The following KAT2B variants were observed in gnomAD, a reference collection of about 807,000 sequenced individuals.
KAT2B encodes the protein lysine acetyltransferase 2B.
Under a neutral mutation model 105.9 loss-of-function variants are expected in KAT2B, and 36 were observed. The ratio of observed to expected loss-of-function variants is 0.34; its 90% confidence interval spans 0.26 to 0.45. KAT2B has a LOEUF of 0.45. KAT2B is among the 20% of genes least tolerant of loss of function. KAT2B has a pLI of 1.00. For missense variants in KAT2B, 820 were observed against 1,021.6 expected, an observed-to-expected ratio of 0.80 and a Z score of 2.69; for synonymous variants, 397 against 377.9, an observed-to-expected ratio of 1.05 and a Z score of -0.59.
intron 11 of KAT2B, among the ~76,000 whole-genome samples, chr3:20,128,544 C>T (rs1021670159): frequency 2.0e-5 from 3 of 151,928 alleles, no homozygotes; most frequent in Non-Finnish European, 4.4e-5. Flanking sequence ...TGGCTTAGGT[C>T]CCTTCCTTTC....
chr3:20,108,086 A>G (rs1482131136), intron 5 of KAT2B, among the ~76,000 whole-genome samples: 1 of 152,066 alleles, frequency 6.6e-6, no homozygotes, highest in African/African-American at 2.4e-5. Context: ...CTGGGATTAC[A>G]GGTGTGAGCC....
At chr3:20,119,805 G>C in intron 8 of KAT2B, 82 bp downstream of exon 8, 1 of 1,467,648 alleles carries the variant, frequency 6.8e-7, no homozygotes, top group Non-Finnish European at 9.4e-7. Context: ...AGGTAGACTT[G>C]AACCAAGTAC....
intron 2 of KAT2B, 123 bp from the exon 3 acceptor site, chr3:20,095,140 T>G (rs1156924908): frequency 2.8e-6 from 2 of 720,198 alleles, no homozygotes; most frequent in Non-Finnish European, 4.5e-6. Context: ...AAATTTTCTC[T>G]TATTACCAGT....
intron 11 of KAT2B, 130 bp downstream of exon 11, chr3:20,127,679 G>T: frequency 1.2e-6 from 1 of 842,564 alleles, no homozygotes. Context: ...GACTTTCTGG[G>T]AATAGTCCTC....
chr3:20,130,875 G>A lies in KAT2B; in HGVS notation c.1749+3326G>A, dbSNP rs557633986. ...GTTTAGTGTGTGTGTGTGTGTGCGT[G>A]CATGTGTGTGTTTTTTAATGGTAAG... On this transcript the variant is annotated intron_variant, in intron 11 of 17. Transcript: ENST00000263754. Among the ~76,000 whole-genome samples, 7 of 151,690 alleles carry A rather than the reference G, an allele frequency of 4.6e-5. No individual in the cohort carries two copies. In the South Asian group the frequency reaches 1.5e-3, roughly 32 times the overall value.
chr3:20,148,017 G>C lies in KAT2B; in HGVS notation c.2156+18G>C. The C allele has an allele frequency of 6.2e-7, 1 of 1,612,180 alleles. No homozygotes were observed. Among genetic ancestry groups the C allele is most frequent in the Non-Finnish European group, 8.5e-7 (1 of 1,178,708 alleles). On this transcript the variant is annotated intron_variant, in intron 15 of 17. Transcript: ENST00000263754. ...GAGAAAAGGTAAGTATGACGGGCAA[G>C]AGGATGTTAATGGAAGTGATTTTTT...
chr3:20,139,080 G>A (rs1005928130), intron 12 of KAT2B, among the ~76,000 whole-genome samples: 2 of 150,516 alleles, frequency 1.3e-5, no homozygotes, highest in African/African-American at 2.5e-5. Flanking sequence ...TTAATCATTT[G>A]TAGAGATGGT....
chr3:20,041,140 C>A (rs1697711587), intron 1 of KAT2B, among the ~76,000 whole-genome samples: 1 of 152,010 alleles, frequency 6.6e-6, no homozygotes, highest in Non-Finnish European at 1.5e-5. Context: ...GGCGGGTGAC[C>A]CAGGGGCAAG....
chr3:20,149,698 C>A (rs1699839265), intron 17 of KAT2B, among the ~76,000 whole-genome samples: 1 of 151,942 alleles, frequency 6.6e-6, no homozygotes. Flanking sequence ...CATCTATATG[C>A]TTTTCTTTCT....
At chr3:20,110,847 T>G (rs1002817242) in intron 5 of KAT2B, among the ~76,000 whole-genome samples, 2 of 152,126 alleles carry the variant, frequency 1.3e-5, no homozygotes, top group Non-Finnish European at 2.9e-5. Context: ...TTCCCTCTGG[T>G]CTGGGTCCTC....
intron 2 of KAT2B, among the ~76,000 whole-genome samples, chr3:20,088,223 G>C (rs1453940260): frequency 4.6e-5 from 7 of 152,232 alleles, no homozygotes; most frequent in Admixed American, 4.6e-4. Flanking sequence ...TGGGAATGCA[G>C]ATGTCTTTTT....
intron 13 of KAT2B, 133 bp from the exon 14 acceptor site, chr3:20,146,183 C>T (rs1699780350): frequency 1.6e-6 from 1 of 638,742 alleles, no homozygotes. Context: ...TGTTAAATAG[C>T]ATTCACCCCT....
chr3:20,050,519 GA>G (rs1697898255), intron 1 of KAT2B, among the ~76,000 whole-genome samples: 1 of 152,130 alleles, frequency 6.6e-6, no homozygotes, highest in Admixed American at 6.6e-5. Context: ...TACATAAATT[GA>G]GTCATATGGT....
Position 20,153,125 on chromosome 3 carries a change from G to C in KAT2B, c.*600G>C, listed in dbSNP as rs1699897039. 6.6e-6 allele frequency: 1 copy of C among 152,498 alleles called. No homozygotes were observed. The highest frequency in any genetic ancestry group is 2.4e-5 in the African/African-American group (1 of 41,450). 9.4% of individuals were successfully genotyped at this position (152,498 alleles called of 1,614,324 possible). A position where few individuals can be genotyped will look rare whatever the true frequency, so the allele number is the denominator to read the frequency against. ...GGAAAGCAACTGCTTTGGTTCCTAA[G>C]GAAGAAATTCTAAATAATGCAAACT... On this transcript the variant is annotated 3_prime_UTR_variant, in exon 18 of 18. Transcript: ENST00000263754.
intron 11 of KAT2B, among the ~76,000 whole-genome samples, chr3:20,135,347 A>C (rs565433262): frequency 6.6e-6 from 1 of 152,226 alleles, no homozygotes; most frequent in South Asian, 2.1e-4. Flanking sequence ...GTTATATTAG[A>C]AAAAACTCCG....
intron 12 of KAT2B, 146 bp from the exon 13 acceptor site, chr3:20,140,075 G>T: frequency 1.9e-6 from 1 of 515,244 alleles, no homozygotes; most frequent in Non-Finnish European, 3.5e-6. Context: ...TTCATGGGTG[G>T]TTTTAAGCTA....
At position 20,070,599 on chromosome 3, in the gene KAT2B, C is replaced by T. The variant is rs187976546; in HGVS notation, c.304-1734C>T. On this transcript the variant is annotated intron_variant, in intron 1 of 17. Transcript: ENST00000263754. The stretch of plus-strand genomic sequence containing the variant: ...GATTACAGGCGTGACCCACCGTGCC[C>T]GGCCTCTCTTTTCTTATACTGTTAC... 1.2e-4 allele frequency among the ~76,000 whole-genome samples: 18 copies of T among 151,678 alleles called. No homozygotes were observed. The East Asian group carries it at 2.4e-3, about 20-fold the overall frequency.
intron 1 of KAT2B, among the ~76,000 whole-genome samples, chr3:20,069,777 C>T (rs1182565018): frequency 6.6e-6 from 1 of 152,078 alleles, no homozygotes; most frequent in Non-Finnish European, 1.5e-5. Context: ...GATCCACCCG[C>T]CTTGGCCTCC....
In KAT2B at chr3:20,121,729, CATATGTGTGTGTGTGTGT is replaced by C. The variant is rs1270621515; in HGVS notation, c.1277-938_1277-921del. ...ATATATATGCATACATACACATATG[CATATGTGTGTGTGTGTGT>C]GTGTGTGTGTGTGTGTGTGTGTGTG... On this transcript the variant is annotated intron_variant, in intron 8 of 17. Coordinates refer to ENST00000263754, the MANE Select transcript of KAT2B (RefSeq NM_003884.5). Among the ~76,000 whole-genome samples, 285 of 120,362 alleles carry C rather than the reference CATATGTGTGTGTGTGTGT, an allele frequency of 2.4e-3. 3 individuals carry two copies. The highest frequency in any genetic ancestry group is 7.1e-3 in the South Asian group (21 of 2,974). The allele number at this position is 120,362 out of a possible 152,430, so 79.0% of individuals were successfully genotyped here.
Sources: allele counts gnomAD v4.1 joint callset (sites outside exome capture counted in the v4.1 genomes callset), GRCh38; gene constraint gnomAD v4.1.1; transcripts MANE v1.5; gene names NCBI Gene and HGNC (gene_info 2026-07-23, HGNC 2026-07-21).